The following CPD variants were observed in gnomAD, a reference collection of about 807,000 sequenced individuals.
CPD encodes carboxypeptidase D, also known as metallocarboxypeptidase D.
Under a neutral mutation model 138.3 loss-of-function variants are expected in CPD, and 69 were observed. The ratio of observed to expected loss-of-function variants is 0.50; its 90% CI spans 0.41 to 0.61. The LOEUF (loss-of-function observed/expected upper bound fraction) is 0.61, where lower values mean the gene tolerates loss of function less well. CPD is among the 20% of genes least tolerant of loss of function. The pLI is 0.00. For synonymous variants in CPD, 651 were observed against 642.1 expected (o/e 1.01, Z -0.21); for missense variants, 1,432 against 1,733.3 (o/e 0.83, Z 3.09).
intron 2 of CPD, among the ~76,000 whole-genome samples, chr17:30,387,064 T>C (rs1911211346): frequency 6.6e-6 from 1 of 152,218 alleles, no homozygotes; most frequent in African/African-American, 2.4e-5. Context: ...CCACCAGCAA[T>C]ATATAAGAAT....
At chr17:30,407,761 T>TA (rs1256689174) in intron 2 of CPD, among the ~76,000 whole-genome samples, 2 of 152,222 alleles carry the variant, frequency 1.3e-5, no homozygotes, top group African/African-American at 4.8e-5. Context: ...TCCCATTCTG[T>TA]AGGTTGCCTG....
intron 2 of CPD, among the ~76,000 whole-genome samples, chr17:30,394,524 C>A (rs1207141408): frequency 6.6e-6 from 1 of 152,032 alleles, no homozygotes; most frequent in Non-Finnish European, 1.5e-5. Context: ...TGTGTGAATT[C>A]TTTGATGATA....
chr17:30,456,065 G>C (rs970357911), intron 15 of CPD, 191 bp from the exon 16 acceptor site: 1 of 562,010 alleles, frequency 1.8e-6, no homozygotes, highest in Non-Finnish European at 3.1e-6. Context: ...ACCTTTTCAT[G>C]TAAAGAGGAT....
chr17:30,388,661 C>T (rs1911262389), intron 2 of CPD, among the ~76,000 whole-genome samples: 1 of 152,198 alleles, frequency 6.6e-6, no homozygotes, highest in Non-Finnish European at 1.5e-5. Context: ...CAGCTGCTGC[C>T]AGCTCCCAGC....
In CPD at chr17:30,427,567, A is replaced by G. The variant is rs1912453100; in HGVS notation, c.2017+9A>G. The G allele has an allele frequency of 1.9e-6, 3 of 1,612,060 alleles. No individual in the cohort carries two copies. Among genetic ancestry groups the G allele is most frequent in the Non-Finnish European group, 2.5e-6 (3 of 1,178,304 alleles). On this transcript the variant is annotated intron_variant, in intron 7 of 20. Transcript: ENST00000225719. ...AGCAAACCTGCATGGAGGTATGGCA[A>G]CTTTATATTCTACTAATCAGTTCTT...
At chr17:30,388,205 C>A (rs544811737) in intron 2 of CPD, among the ~76,000 whole-genome samples, 3 of 152,268 alleles carry the variant, frequency 2.0e-5, no homozygotes, top group Middle Eastern at 3.4e-3. Flanking sequence ...GGTTCATGGG[C>A]GCCACGGGCA....
chr17:30,401,939 CTT>C (rs35596472), intron 2 of CPD, among the ~76,000 whole-genome samples: 293 of 139,418 alleles, frequency 2.1e-3, no homozygotes, highest in Middle Eastern at 3.7e-3. Flanking sequence ...CATTATTTCA[CTT>C]TTTTTTTTTT....
At chr17:30,410,426 C>A (rs544316523) in intron 2 of CPD, among the ~76,000 whole-genome samples, 22 of 152,278 alleles carry the variant, frequency 1.4e-4, no homozygotes, top group African/African-American at 4.3e-4. Context: ...AACCTTCTGT[C>A]TCATTGATCT....
chr17:30,464,891 AAG>A lies in CPD; in HGVS notation c.*83_*84del, dbSNP rs1913593303. On this transcript the variant is annotated 3_prime_UTR_variant, in exon 21 of 21. Coordinates refer to ENST00000225719, the MANE Select transcript of CPD (RefSeq NM_001304.5). ...CCTCTTGGGAGAACACTGCATTAAG[AAG>A]AGAGACTCTCTTGCTTCTTCAAAGA... 1 of 1,111,880 alleles carries A rather than the reference AAG, an allele frequency of 9.0e-7. No homozygotes were observed. The highest frequency in any genetic ancestry group is 1.5e-5 in the African/African-American group (1 of 64,956). The allele number at this position is 1,111,880 out of a possible 1,614,324, so 68.9% of individuals were successfully genotyped here.
At chr17:30,446,108 A>T in intron 12 of CPD, 88 bp downstream of exon 12, 1 of 932,608 alleles carries the variant, frequency 1.1e-6, no homozygotes, top group Non-Finnish European at 1.6e-6. Context: ...TTTATATAGA[A>T]ATATTTGGGA....
rs190169686 is a variant in CPD, at chr17:30,421,727, A to G, written c.1201A>G (p.Thr401Ala). Residue 401 changes from threonine (T) to alanine (A), a missense_variant, in exon 4 of 21, where the codon ACC becomes GCC. By Grantham distance (58) the Thr-to-Ala change is moderately conservative (BLOSUM62 0). Transcript: ENST00000225719. ...AACAGGATCTGGGTTAGAGAATGCA[A>G]CCATCTCAGTGGCTGGTATTAATCA... ...SITGSGLENA[T>A]ISVAGINHNI... 3.1e-6 allele frequency: 5 copies of G among 1,613,644 alleles called. No homozygotes were observed. The East Asian group carries it at 6.7e-5, about 22-fold the overall frequency.
chr17:30,407,916 C>G (rs1349489371), intron 2 of CPD, among the ~76,000 whole-genome samples: 1 of 152,148 alleles, frequency 6.6e-6, no homozygotes, highest in Non-Finnish European at 1.5e-5. Flanking sequence ...AATGGTATTG[C>G]CTAGATTTTC....
chr17:30,426,673 TGG>T (rs1597721421), intron 6 of CPD, among the ~76,000 whole-genome samples: 1 of 152,240 alleles, frequency 6.6e-6, no homozygotes, highest in East Asian at 1.9e-4. Context: ...AAACAATGAC[TGG>T]TTATCCTTTA....
At chr17:30,410,401 C>T (rs1567871488) in intron 2 of CPD, among the ~76,000 whole-genome samples, 1 of 152,122 alleles carries the variant, frequency 6.6e-6, no homozygotes, top group Admixed American at 6.5e-5. Context: ...AGTTCAATTC[C>T]TGGATATCCT....
intron 6 of CPD, among the ~76,000 whole-genome samples, chr17:30,427,027 C>G (rs1294072061): frequency 6.6e-6 from 1 of 151,930 alleles, no homozygotes; most frequent in Non-Finnish European, 1.5e-5. Flanking sequence ...CTAATAAATA[C>G]AAAAATTAGC....
chr17:30,462,715 A>T (rs1047592011), intron 20 of CPD, among the ~76,000 whole-genome samples: 2 of 152,180 alleles, frequency 1.3e-5, no homozygotes, highest in Non-Finnish European at 2.9e-5. Context: ...AAAGACACAC[A>T]CAGAAATATA....
chr17:30,464,216 C>T (rs1344074523), intron 20 of CPD, among the ~76,000 whole-genome samples: 1 of 151,942 alleles, frequency 6.6e-6, no homozygotes, highest in Non-Finnish European at 1.5e-5. Context: ...CATGGCAAAA[C>T]CCTATCTCTA....
intron 2 of CPD, among the ~76,000 whole-genome samples, chr17:30,397,220 G>A (rs1006450745): frequency 6.6e-6 from 1 of 151,928 alleles, no homozygotes; most frequent in Non-Finnish European, 1.5e-5. Context: ...TTGATAAATT[G>A]TGTGCTAGTG....
At chr17:30,439,215 AAAT>A (rs1325154208) in intron 9 of CPD, 138 bp downstream of exon 9, 1 of 534,372 alleles carries the variant, frequency 1.9e-6, no homozygotes. Flanking sequence ...TAAAATATTT[AAAT>A]AATCTTTTCA....
Sources: gnomAD v4.1 joint callset for allele counts (sites outside exome capture counted in the v4.1 genomes callset) on GRCh38, gnomAD v4.1.1 for gene constraint, MANE v1.5 for transcripts, NCBI Gene and HGNC (gene_info 2026-07-23, HGNC 2026-07-21) for gene names.